Variants in CTNNA2 observed in about 807,000 individuals in gnomAD.
CTNNA2 encodes the protein catenin alpha-2.
CTNNA2 carries 42 observed loss-of-function variants against 101.0 expected under a neutral mutation model. That is an observed-to-expected ratio of 0.42 (90% CI 0.32 to 0.54). The LOEUF (loss-of-function observed/expected upper bound fraction) is 0.54. Among genes scored for constraint, CTNNA2 ranks in the 20% least tolerant of loss-of-function variants. CTNNA2 has a pLI of 0.14. For synonymous variants in CTNNA2, 450 were observed against 456.4 expected, an observed-to-expected ratio of 0.99 and a Z score of 0.18; for missense variants, 871 against 1,223.1, an observed-to-expected ratio of 0.71 and a Z score of 4.29.
At chr2:80,595,027 A>C (rs1216377609) in intron 15 of CTNNA2, among the ~76,000 whole-genome samples, 2 of 152,010 alleles carry the variant, frequency 1.3e-5, no homozygotes, top group Non-Finnish European at 2.9e-5. Context: ...TGGATTTTTA[A>C]ATTTTGGCCA....
chr2:79,363,330 A>G (rs1573121975), intron 3 of CTNNA2, among the ~76,000 whole-genome samples: 3 of 152,212 alleles, frequency 2.0e-5, no homozygotes, highest in Admixed American at 2.0e-4. Context: ...CACACTTATA[A>G]TTGCATTTTA....
intron 14 of CTNNA2, among the ~76,000 whole-genome samples, chr2:80,585,610 T>C (rs1257911125): frequency 6.6e-6 from 1 of 152,212 alleles, no homozygotes; most frequent in Non-Finnish European, 1.5e-5. Flanking sequence ...ATGTATTTTA[T>C]ATTGAGTTTG....
At chr2:79,929,239 T>G (rs1216741357) in intron 7 of CTNNA2, among the ~76,000 whole-genome samples, 4 of 152,132 alleles carry the variant, frequency 2.6e-5, no homozygotes, top group African/African-American at 9.7e-5. Flanking sequence ...AGTAGTAATT[T>G]TCAGAGAGTA....
intron 7 of CTNNA2, among the ~76,000 whole-genome samples, chr2:79,974,209 A>G (rs1364723429): frequency 4.6e-5 from 7 of 152,124 alleles, no homozygotes; most frequent in South Asian, 4.1e-4. Flanking sequence ...CAGTTTACCA[A>G]TCTGTAAAAT....
In CTNNA2 at chr2:79,206,240, T is replaced by C. The variant is rs75802942; in HGVS notation, c.-406+8164T>C. 7.8e-4 allele frequency among the ~76,000 whole-genome samples: 119 copies of C among 151,852 alleles called. 2 individuals carry two copies. In the East Asian group the frequency reaches 0.021, roughly 26 times the overall value. ...AAGAGTGCCCAGTTCTGAGTTAGAATTCGGCAATTATGGAAAAAAAGTTTC... is the reference window on the plus strand; with the variant it reads ...AAGAGTGCCCAGTTCTGAGTTAGAACTCGGCAATTATGGAAAAAAAGTTTC... On this transcript the variant is annotated intron_variant, in intron 2 of 21. Transcript: ENST00000466387.
intron 4 of CTNNA2, among the ~76,000 whole-genome samples, chr2:79,410,167 G>A (rs1678392557): frequency 1.4e-5 from 2 of 146,826 alleles, no homozygotes; most frequent in African/African-American, 5.1e-5. Context: ...CTGAGACTTT[G>A]CTGAAGTTGC....
intron 7 of CTNNA2, among the ~76,000 whole-genome samples, chr2:80,125,799 T>C (rs924603332): frequency 6.6e-6 from 1 of 152,112 alleles, no homozygotes. Flanking sequence ...ATCCCTAATC[T>C]CTGCAGCCTG....
chr2:79,790,684 T>G (rs534716864), intron 3 of CTNNA2, among the ~76,000 whole-genome samples: 5 of 152,298 alleles, frequency 3.3e-5, no homozygotes, highest in Non-Finnish European at 7.4e-5. Context: ...AATTATCAGT[T>G]GGCTACCAGT....
intron 8 of CTNNA2, among the ~76,000 whole-genome samples, chr2:80,409,712 T>C (rs1348128692): frequency 2.0e-5 from 3 of 152,234 alleles, no homozygotes; most frequent in Non-Finnish European, 4.4e-5. Context: ...ATAATAAGGT[T>C]CCTGCCACCT....
At position 80,474,667 on chromosome 2, in the gene CTNNA2, C is replaced by T. The variant is rs544326155; in HGVS notation, c.1290+55066C>T. On this transcript the variant is annotated intron_variant, in intron 9 of 18. Coordinates refer to ENST00000402739, the MANE Select transcript of CTNNA2 (RefSeq NM_001282597.3). ...GAATGACAAACCAAAGGGCCTTCCT[C>T]GGTGCTTTTTATTGAAATTTCCTGT... 4.6e-5 allele frequency among the ~76,000 whole-genome samples: 7 copies of T among 152,148 alleles called. No homozygotes were observed. In the East Asian group the frequency reaches 7.7e-4, roughly 17 times the overall value.
At chr2:79,952,519 C>T (rs562710643) in intron 7 of CTNNA2, among the ~76,000 whole-genome samples, 28 of 152,148 alleles carry the variant, frequency 1.8e-4, no homozygotes, top group Non-Finnish European at 3.5e-4. Context: ...ATATAAATTA[C>T]ATCTCAATAG....
intron 7 of CTNNA2, among the ~76,000 whole-genome samples, chr2:80,073,470 C>T (rs1210571914): frequency 6.6e-6 from 1 of 152,154 alleles, no homozygotes; most frequent in Non-Finnish European, 1.5e-5. Context: ...GAGATCTTTA[C>T]ACCCAGAGCT....
intron 9 of CTNNA2, among the ~76,000 whole-genome samples, chr2:80,527,347 G>A (rs955424527): frequency 6.6e-6 from 1 of 152,190 alleles, no homozygotes; most frequent in Non-Finnish European, 1.5e-5. Context: ...TCTCAGACTT[G>A]AGCATGCTTT....
intron 7 of CTNNA2, among the ~76,000 whole-genome samples, chr2:80,211,397 G>T (rs1707880611): frequency 6.6e-6 from 1 of 152,096 alleles, no homozygotes; most frequent in Non-Finnish European, 1.5e-5. Flanking sequence ...TTTTGTATAA[G>T]GTATAAGAAA....
intron 7 of CTNNA2, among the ~76,000 whole-genome samples, chr2:80,015,795 G>A (rs1207335678): frequency 6.6e-6 from 1 of 152,188 alleles, no homozygotes; most frequent in East Asian, 1.9e-4. Context: ...CCTTTGCTGA[G>A]TGGAAATATG....
intron 7 of CTNNA2, among the ~76,000 whole-genome samples, chr2:80,143,764 A>C (rs536346780): frequency 6.6e-6 from 1 of 152,296 alleles, no homozygotes; most frequent in South Asian, 2.1e-4. Flanking sequence ...CAGGGGAGGG[A>C]TCACATAATT....
intron 7 of CTNNA2, among the ~76,000 whole-genome samples, chr2:80,348,349 G>T (rs768193251): frequency 2.6e-5 from 4 of 152,078 alleles, no homozygotes; most frequent in Admixed American, 6.6e-5. Context: ...TTTCATTTCC[G>T]AATATGTTTT....
intron 2 of CTNNA2, among the ~76,000 whole-genome samples, chr2:79,697,608 C>G (rs1161949973): frequency 6.6e-6 from 1 of 152,028 alleles, no homozygotes; most frequent in Non-Finnish European, 1.5e-5. Flanking sequence ...TGGCATTAAG[C>G]CAAACTGTGA....
intron 7 of CTNNA2, among the ~76,000 whole-genome samples, chr2:80,045,287 C>A (rs1330090347): frequency 6.6e-6 from 1 of 152,204 alleles, no homozygotes; most frequent in African/African-American, 2.4e-5. Context: ...TAGGAGGACT[C>A]TTTTTAAAAA....
Sources: gnomAD v4.1 joint callset for allele counts (sites outside exome capture counted in the v4.1 genomes callset) on GRCh38, gnomAD v4.1.1 for gene constraint, MANE v1.5 for transcripts, NCBI Gene and HGNC (gene_info 2026-07-23, HGNC 2026-07-21) for gene names.